Variants in SGSM1 observed in about 807,000 individuals in gnomAD.
SGSM1 encodes small G protein signaling modulator 1, also known as RUN and TBC1 domain containing 2.
In SGSM1, 73 loss-of-function variants were observed where a neutral mutation model predicts 133.8. The ratio of observed to expected loss-of-function variants is 0.55; its 90% CI spans 0.45 to 0.66. SGSM1 has a LOEUF of 0.66. Among genes scored for constraint, SGSM1 ranks in the 30% least tolerant of loss-of-function variants. The pLI is 0.00. For missense variants in SGSM1, 1,213 were observed against 1,448.1 expected (o/e 0.84, Z 2.64); for synonymous variants, 563 against 573.0 (o/e 0.98, Z 0.25).
intron 2 of SGSM1, among the ~76,000 whole-genome samples, chr22:24,808,289 T>A (rs1332051526): frequency 6.6e-6 from 1 of 152,034 alleles, no homozygotes; most frequent in Non-Finnish European, 1.5e-5. Context: ...TTTTATTTTT[T>A]TATTTTTAGT....
intron 2 of SGSM1, among the ~76,000 whole-genome samples, chr22:24,835,262 G>A (rs940877639): frequency 2.0e-5 from 3 of 152,178 alleles, no homozygotes; most frequent in Non-Finnish European, 2.9e-5. Flanking sequence ...GCTACTGATT[G>A]TTGAGCACAC....
chr22:24,916,987 T>C (rs1933840331), intron 22 of SGSM1, among the ~76,000 whole-genome samples: 1 of 151,664 alleles, frequency 6.6e-6, no homozygotes, highest in Non-Finnish European at 1.5e-5. Context: ...CAAGTGATCC[T>C]CCCACTTTAG....
intron 2 of SGSM1, among the ~76,000 whole-genome samples, chr22:24,838,369 A>G (rs745357639): frequency 1.3e-5 from 2 of 152,222 alleles, no homozygotes; most frequent in Non-Finnish European, 2.9e-5. Flanking sequence ...CTAGGTGTTT[A>G]TATAGCCAGG....
intron 18 of SGSM1, among the ~76,000 whole-genome samples, chr22:24,896,675 GA>G (rs1601967125): frequency 6.7e-6 from 1 of 150,262 alleles, no homozygotes; most frequent in East Asian, 2.0e-4. Context: ...TTTTGAATGA[GA>G]AAAATTATGT....
rs1043983762 is a variant in SGSM1, at chr22:24,858,622, C to T, written c.802-1094C>T. Among the ~76,000 whole-genome samples the T allele has an allele frequency of 5.2e-5, 7 of 135,722 alleles. No individual in the cohort carries two copies. In the East Asian group the frequency reaches 6.3e-4, roughly 12 times the overall value. 89.0% of individuals were successfully genotyped at this position (135,722 alleles called of 152,430 possible). Reference sequence around the variant, plus strand: ...CTGTCCTCCAGCCTTGGCAACAGAGCGAGACTCCATCTCAAAAAAAAAAAA... The same window carrying T: ...CTGTCCTCCAGCCTTGGCAACAGAGTGAGACTCCATCTCAAAAAAAAAAAA... On this transcript the variant is annotated intron_variant, in intron 8 of 24. Transcript: ENST00000400358.
chr22:24,861,367 A>G (rs886653551), intron 9 of SGSM1, among the ~76,000 whole-genome samples: 2 of 151,330 alleles, frequency 1.3e-5, no homozygotes, highest in Non-Finnish European at 3.0e-5. Flanking sequence ...AAAAAAAAAA[A>G]AAAGTGTTCT....
intron 2 of SGSM1, among the ~76,000 whole-genome samples, chr22:24,833,037 C>T (rs187611261): frequency 0.012 from 1,836 of 150,598 alleles, 51 homozygotes; most frequent in African/African-American, 0.042. Flanking sequence ...TGGGTTCAAG[C>T]GATTCTCCTG....
intron 12 of SGSM1, chr22:24,874,306 G>T (rs377055129): frequency 2.6e-6 from 3 of 1,150,264 alleles, no homozygotes; most frequent in Admixed American, 2.9e-5. Flanking sequence ...GTGTGGAGCC[G>T]GGAAGGGGGA....
rs532191958 is a variant in SGSM1 at position 24,888,395 on chromosome 22, C to T, written c.1770+1667C>T. Among the ~76,000 whole-genome samples the T allele has an allele frequency of 6.6e-5, 10 of 151,900 alleles. No individual in the cohort carries two copies. The East Asian group carries it at 1.5e-3, about 23-fold the overall frequency. ...GTCATTTAGGTCAAAGTTCATTTTT[C>T]GTTTTTTGGTGTTCAATTGCTCCAG... On this transcript the variant is annotated intron_variant, in intron 16 of 24. Transcript: ENST00000400358.
intron 2 of SGSM1, among the ~76,000 whole-genome samples, chr22:24,836,623 T>C (rs1929446046): frequency 6.6e-6 from 1 of 152,268 alleles, no homozygotes; most frequent in Non-Finnish European, 1.5e-5. Flanking sequence ...CTTTCTGTTT[T>C]TTCATAGCAG....
In SGSM1 at chr22:24,827,385, G is replaced by T. The variant is rs553860764; in HGVS notation, c.64-17512G>T. Among the ~76,000 whole-genome samples, 756 of 152,014 alleles carry T rather than the reference G, an allele frequency of 5.0e-3. 6 individuals are homozygous for T. Among genetic ancestry groups the T allele is most frequent in the African/African-American group, 0.017 (701 of 41,412 alleles). On this transcript the variant is annotated intron_variant, in intron 2 of 24. Transcript: ENST00000400358. ...TTATGCTGTTTAAATATTTGCAGGTGGGGAGAGGGAGGGAGGGCGGGGCTG... is the reference window on the plus strand; with the variant it reads ...TTATGCTGTTTAAATATTTGCAGGTTGGGAGAGGGAGGGAGGGCGGGGCTG...
chr22:24,859,658 C>T, intron 8 of SGSM1, 58 bp from the exon 9 acceptor site: 1 of 1,609,426 alleles, frequency 6.2e-7, no homozygotes. Context: ...CGGGCCAGGA[C>T]CTATGTCCAC....
chr22:24,863,359 A>G (rs1931265141), intron 9 of SGSM1, among the ~76,000 whole-genome samples: 1 of 152,114 alleles, frequency 6.6e-6, no homozygotes, highest in Admixed American at 6.5e-5. Flanking sequence ...GGGTTTCACC[A>G]TGTTGGCCAG....
At position 24,924,731 on chromosome 22, in the gene SGSM1, A is replaced by G. The variant is rs1934138102; in HGVS notation, c.*457A>G. On this transcript the variant is annotated 3_prime_UTR_variant, in exon 25 of 25. Coordinates refer to ENST00000400358, the MANE Select transcript of SGSM1 (RefSeq NM_001098497.3). Reference sequence around the variant, plus strand: ...AGGGGCCTTTGGCGATGTTCTGGACATGGCTGAAGATTGACTTAGAGATTG... The same window carrying G: ...AGGGGCCTTTGGCGATGTTCTGGACGTGGCTGAAGATTGACTTAGAGATTG... 2 of 170,444 alleles carry G rather than the reference A, an allele frequency of 1.2e-5. No homozygotes were observed. The highest frequency in any genetic ancestry group is 1.6e-4 in the South Asian group (1 of 6,268). The allele number at this position is 170,444 out of a possible 1,614,324, so 10.6% of individuals were successfully genotyped here. A position where few individuals can be genotyped will look rare whatever the true frequency, so the allele number is the denominator to read the frequency against.
intron 2 of SGSM1, among the ~76,000 whole-genome samples, chr22:24,820,055 C>G (rs1928373277): frequency 6.6e-6 from 1 of 152,008 alleles, no homozygotes; most frequent in Non-Finnish European, 1.5e-5. Context: ...GGCAGGCACC[C>G]AGGAGGAGGC....
At chr22:24,817,691 A>G (rs779817796) in intron 2 of SGSM1, among the ~76,000 whole-genome samples, 6 of 139,776 alleles carry the variant, frequency 4.3e-5, no homozygotes, top group Non-Finnish European at 8.2e-5. Flanking sequence ...TAAGCAATCC[A>G]CAACCCAAAT....
intron 2 of SGSM1, among the ~76,000 whole-genome samples, chr22:24,815,979 T>C (rs1224138077): frequency 6.6e-6 from 1 of 152,204 alleles, no homozygotes; most frequent in African/African-American, 2.4e-5. Context: ...TCTATGTATA[T>C]TCAAAAGAAA....
intron 9 of SGSM1, among the ~76,000 whole-genome samples, chr22:24,864,510 C>G (rs562471823): frequency 6.6e-6 from 1 of 152,184 alleles, no homozygotes; most frequent in Non-Finnish European, 1.5e-5. Flanking sequence ...AGATAAATCA[C>G]CAGTGGATAT....
chr22:24,883,969 G>A, intron 14 of SGSM1, 84 bp from the exon 15 acceptor site: 1 of 1,428,360 alleles, frequency 7.0e-7, no homozygotes, highest in South Asian at 1.5e-5. Flanking sequence ...AATTTGAGGT[G>A]GGACAGAACT....
Sources: gnomAD v4.1 joint callset for allele counts (sites outside exome capture counted in the v4.1 genomes callset) on GRCh38, gnomAD v4.1.1 for gene constraint, MANE v1.5 for transcripts, NCBI Gene and HGNC (gene_info 2026-07-23, HGNC 2026-07-21) for gene names.